The following IL1RAPL2 variants were observed in gnomAD, a reference collection of about 807,000 sequenced individuals.
IL1RAPL2 encodes interleukin 1 receptor accessory protein like 2.
Under a neutral mutation model 44.1 loss-of-function variants are expected in IL1RAPL2, and 3 were observed. The ratio of observed to expected loss-of-function variants is 0.07; its 90% CI spans 0.03 to 0.18. The LOEUF (loss-of-function observed/expected upper bound fraction) is 0.18, where lower values mean the gene tolerates loss of function less well. Among genes scored for constraint, IL1RAPL2 ranks in the 10% least tolerant of loss-of-function variants. IL1RAPL2 has a pLI of 1.00. For missense variants in IL1RAPL2, 391 were observed against 496.4 expected (o/e 0.79, Z 2.02); for synonymous variants, 181 against 178.8 (o/e 1.01, Z -0.10).
intron 2 of IL1RAPL2, among the ~76,000 whole-genome samples, chrX:104,827,172 T>A (rs757310451): frequency 1.8e-5 from 2 of 110,254 alleles, no homozygotes; most frequent in African/African-American, 3.3e-5. Context: ...GTCATTATGA[T>A]GCTAGCTGAT....
intron 6 of IL1RAPL2, among the ~76,000 whole-genome samples, chrX:105,584,382 C>T (rs1003062161): frequency 1.8e-5 from 2 of 111,674 alleles, no homozygotes; most frequent in Non-Finnish European, 3.8e-5. Context: ...ATATTCCTTG[C>T]TCTGAAATCT....
intron 5 of IL1RAPL2, among the ~76,000 whole-genome samples, chrX:105,313,592 A>G (rs1844489758): frequency 9.0e-6 from 1 of 111,663 alleles, no homozygotes; most frequent in South Asian, 3.7e-4. Flanking sequence ...CCATTTGTTT[A>G]TTCTTCCATG....
At chrX:104,584,346 T>A (rs781271558) in intron 1 of IL1RAPL2, among the ~76,000 whole-genome samples, 2 of 110,952 alleles carry the variant, frequency 1.8e-5, no homozygotes, top group South Asian at 7.6e-4. Context: ...TTACCTTGGG[T>A]ACTCTTCTTT....
intron 6 of IL1RAPL2, among the ~76,000 whole-genome samples, chrX:105,487,421 TTTAC>T (rs2036278641): frequency 8.9e-6 from 1 of 111,934 alleles, no homozygotes. Context: ...ACTAAAATAA[TTTAC>T]TTCCAATTTA....
chrX:105,341,696 C>A (rs371854031), intron 5 of IL1RAPL2, among the ~76,000 whole-genome samples: 10 of 111,670 alleles, frequency 9.0e-5, no homozygotes, highest in East Asian at 5.7e-4. Flanking sequence ...CTTTGGGAGG[C>A]CGAGGCAGGC....
intron 5 of IL1RAPL2, among the ~76,000 whole-genome samples, chrX:105,400,243 T>C (rs1290137849): frequency 1.8e-5 from 2 of 111,709 alleles, no homozygotes; most frequent in Non-Finnish European, 3.8e-5. Context: ...ACTTGTATTA[T>C]AGTCACCACC....
chrX:105,024,723 T>A (rs2031337636), intron 2 of IL1RAPL2, among the ~76,000 whole-genome samples: 1 of 111,470 alleles, frequency 9.0e-6, no homozygotes, highest in South Asian at 3.7e-4. Flanking sequence ...AACTTCCTTA[T>A]AAGGTATAGC....
chrX:104,995,958 G>A (rs866014438), intron 2 of IL1RAPL2, among the ~76,000 whole-genome samples: 1 of 111,212 alleles, frequency 9.0e-6, no homozygotes, highest in Non-Finnish European at 1.9e-5. Context: ...TTAGTGGCTT[G>A]AGCCTTTTCA....
intron 2 of IL1RAPL2, among the ~76,000 whole-genome samples, chrX:104,778,515 C>A (rs1410930316): frequency 9.3e-6 from 1 of 107,825 alleles, no homozygotes. Context: ...AGCTGTGATC[C>A]TGCCACTGCA....
intron 2 of IL1RAPL2, among the ~76,000 whole-genome samples, chrX:104,944,047 A>G (rs1925276956): frequency 9.0e-6 from 1 of 111,628 alleles, no homozygotes; most frequent in Non-Finnish European, 1.9e-5. Context: ...AACAAACGAA[A>G]CACATCCTTT....
At chrX:105,356,353 T>C (rs1369647032) in intron 5 of IL1RAPL2, among the ~76,000 whole-genome samples, 1 of 111,786 alleles carries the variant, frequency 8.9e-6, no homozygotes, top group Admixed American at 9.6e-5. Context: ...ATTGATTCTC[T>C]TTCCAACATC....
chrX:104,904,142 C>T (rs1452619680), intron 2 of IL1RAPL2, among the ~76,000 whole-genome samples: 2 of 110,069 alleles, frequency 1.8e-5, no homozygotes, highest in Non-Finnish European at 3.8e-5. Context: ...GTATCACCAA[C>T]TAATGGCCAT....
intron 1 of IL1RAPL2, among the ~76,000 whole-genome samples, chrX:104,658,176 A>G (rs947947605): frequency 1.1e-4 from 12 of 112,393 alleles, no homozygotes; most frequent in African/African-American, 3.6e-4. Flanking sequence ...ACGTATGTTT[A>G]TCATGGCACT....
chrX:105,264,711 G>T (rs770591663), intron 4 of IL1RAPL2, among the ~76,000 whole-genome samples: 2 of 112,106 alleles, frequency 1.8e-5, no homozygotes, highest in Non-Finnish European at 3.8e-5. Flanking sequence ...GATTCTGGCT[G>T]CTCACATGGT....
chrX:105,364,792 G>T (rs1417504465), intron 5 of IL1RAPL2, among the ~76,000 whole-genome samples: 1 of 111,690 alleles, frequency 9.0e-6, no homozygotes, highest in Non-Finnish European at 1.9e-5. Flanking sequence ...GATTCTAATA[G>T]TTTTTTGTGG....
chrX:105,162,705 A>G (rs1397047581), intron 2 of IL1RAPL2, among the ~76,000 whole-genome samples: 4 of 112,072 alleles, frequency 3.6e-5, no homozygotes, highest in Admixed American at 1.9e-4. Context: ...GTGTTAGTCC[A>G]TTAGGTCTTT....
intron 4 of IL1RAPL2, among the ~76,000 whole-genome samples, chrX:105,240,650 A>C (rs2034162778): frequency 8.9e-6 from 1 of 111,947 alleles, no homozygotes; most frequent in Admixed American, 9.5e-5. Context: ...ACTAGCAATG[A>C]CTTCAAGTAA....
chrX:105,412,578 A>G (rs2035705331), intron 5 of IL1RAPL2, among the ~76,000 whole-genome samples: 1 of 110,778 alleles, frequency 9.0e-6, no homozygotes, highest in Non-Finnish European at 1.9e-5. Context: ...AGAAGGAAGG[A>G]TGTGGCGAAG....
intron 2 of IL1RAPL2, among the ~76,000 whole-genome samples, chrX:105,053,680 T>C (rs1340587681): frequency 1.8e-5 from 2 of 112,078 alleles, no homozygotes; most frequent in African/African-American, 6.5e-5. Context: ...AAATGACATA[T>C]AACAAAACCA....
Sources: gnomAD v4.1 joint callset for allele counts (sites outside exome capture counted in the v4.1 genomes callset) on GRCh38, gnomAD v4.1.1 for gene constraint, MANE v1.5 for transcripts, NCBI Gene and HGNC (gene_info 2026-07-23, HGNC 2026-07-21) for gene names.